Variants in LRRC37A2 observed in about 807,000 individuals in gnomAD.
LRRC37A2 encodes the protein leucine rich repeat containing 37 member A2.
LRRC37A2 carries 9 observed loss-of-function variants against 68.8 expected under a neutral mutation model. The ratio of observed to expected loss-of-function variants is 0.13; its 90% CI spans 0.08 to 0.23. LRRC37A2 has a LOEUF of 0.23. Among genes scored for constraint, LRRC37A2 ranks in the 10% least tolerant of loss-of-function variants. LRRC37A2 has a pLI of 1.00. For synonymous variants in LRRC37A2, 63 were observed against 367.6 expected, an observed-to-expected ratio of 0.17 and a Z score of 9.48; for missense variants, 168 against 950.4, an observed-to-expected ratio of 0.18 and a Z score of 10.82.
rs551669181 is a variant in LRRC37A2, at chr17:46,540,446, A to AT, written c.2978+201dup. Among the ~76,000 whole-genome samples the AT allele has an allele frequency of 2.0e-3, 294 of 146,632 alleles. 2 individuals are homozygous for AT. Among genetic ancestry groups the AT allele is most frequent in the Admixed American group, 5.5e-3 (81 of 14,684 alleles). Reference sequence around the variant, plus strand: ...ACAGCCAGCAGGGGAAGAGAACAGCATTGAAGAACCCATATAGATTTGGAA... The same window carrying AT: ...ACAGCCAGCAGGGGAAGAGAACAGCATTTGAAGAACCCATATAGATTTGGAA... On this transcript the variant is annotated intron_variant, in intron 7 of 14. Transcript: ENST00000576629.
At chr17:46,914,091 C>T in the LRRC37A2 span, among the ~76,000 whole-genome samples, 1 of 152,026 alleles carries the variant, frequency 6.6e-6, no homozygotes. Context: ...TTTTGGGGAA[C>T]TTTGAAAAGG....
At chr17:46,928,891 T>TA in the LRRC37A2 span, among the ~76,000 whole-genome samples, 1 of 152,138 alleles carries the variant, frequency 6.6e-6, no homozygotes, top group Non-Finnish European at 1.5e-5. Flanking sequence ...CCACATAACT[T>TA]ACCTGGTTTC....
chr17:46,737,908 ATATTATTATTATTATTAT>A, the LRRC37A2 span, among the ~76,000 whole-genome samples: 92,707 of 145,748 alleles, frequency 0.64, 31,687 homozygotes, highest in South Asian at 0.82. Flanking sequence ...TAAAATTAGC[ATATTATTATTATTATTAT>A]TATTATTATT....
At chr17:46,631,078 A>ACACACACACACACACACACACACACACG in the LRRC37A2 span, among the ~76,000 whole-genome samples, 2 of 144,770 alleles carry the variant, frequency 1.4e-5, no homozygotes, top group African/African-American at 5.6e-5. Flanking sequence ...ACACACACAC[A>ACACACACACACACACACACACACACACG]CACACACACA....
chr17:46,923,871 G>A, the LRRC37A2 span: 2 of 398,264 alleles, frequency 5.0e-6, no homozygotes, highest in Non-Finnish European at 8.8e-6. Flanking sequence ...ACGTAGTTGA[G>A]TATTAATGGG....
the LRRC37A2 span, among the ~76,000 whole-genome samples, chr17:46,810,415 G>A: frequency 2.0e-5 from 3 of 152,168 alleles, no homozygotes; most frequent in Non-Finnish European, 2.9e-5. Context: ...TCCTGTAGGG[G>A]TCCTGATGCT....
At chr17:46,765,507 C>A in the LRRC37A2 span, among the ~76,000 whole-genome samples, 1 of 151,660 alleles carries the variant, frequency 6.6e-6, no homozygotes, top group Non-Finnish European at 1.5e-5. Context: ...CTCTCCTCAC[C>A]GTGTGGAGGG....
the LRRC37A2 span, among the ~76,000 whole-genome samples, chr17:46,753,867 A>C: frequency 6.6e-6 from 1 of 152,208 alleles, no homozygotes; most frequent in Non-Finnish European, 1.5e-5. Context: ...GAGAGGCTGA[A>C]CCTAAGTGAA....
chr17:46,525,423 C>G (rs1257561398), intron 6 of LRRC37A2, among the ~76,000 whole-genome samples: 2 of 110,294 alleles, frequency 1.8e-5, no homozygotes, highest in African/African-American at 6.5e-5. Flanking sequence ...CCTGTCTCTA[C>G]TAAAAATACA....
At chr17:47,002,294 T>C in the LRRC37A2 span, among the ~76,000 whole-genome samples, 1 of 152,184 alleles carries the variant, frequency 6.6e-6, no homozygotes, top group Non-Finnish European at 1.5e-5. Context: ...TGCATAATAA[T>C]CACATCATGG....
chr17:46,907,987 G>A, the LRRC37A2 span, among the ~76,000 whole-genome samples: 2 of 152,056 alleles, frequency 1.3e-5, no homozygotes, highest in African/African-American at 2.4e-5. Context: ...GTTCAGTCTC[G>A]GCACTGTGGG....
the LRRC37A2 span, among the ~76,000 whole-genome samples, chr17:46,890,728 C>T: frequency 6.6e-6 from 1 of 152,202 alleles, no homozygotes; most frequent in African/African-American, 2.4e-5. Flanking sequence ...CTTCCAACAG[C>T]CCAAGCTCCA....
At chr17:46,984,627 A>G in the LRRC37A2 span, among the ~76,000 whole-genome samples, 1 of 152,218 alleles carries the variant, frequency 6.6e-6, no homozygotes, top group African/African-American at 2.4e-5. Flanking sequence ...ATGAACCTTT[A>G]GCCCTCTGGC....
At chr17:46,766,457 A>G in the LRRC37A2 span, among the ~76,000 whole-genome samples, 1 of 151,666 alleles carries the variant, frequency 6.6e-6, no homozygotes, top group East Asian at 1.9e-4. Context: ...ACCACTGAAC[A>G]GAGGAGGAAA....
At chr17:46,831,851 T>C in the LRRC37A2 span, among the ~76,000 whole-genome samples, 1 of 152,184 alleles carries the variant, frequency 6.6e-6, no homozygotes, top group East Asian at 1.9e-4. Context: ...GTTCTTTGGG[T>C]CCTGTATGCA....
At chr17:46,771,502 C>CG in the LRRC37A2 span, among the ~76,000 whole-genome samples, 2 of 149,312 alleles carry the variant, frequency 1.3e-5, no homozygotes, top group Non-Finnish European at 3.0e-5. Context: ...GCGGGGGCGG[C>CG]GGGGGCGGGG....
chr17:46,748,244 T>TG, the LRRC37A2 span, among the ~76,000 whole-genome samples: 2 of 152,112 alleles, frequency 1.3e-5, no homozygotes, highest in African/African-American at 2.4e-5. Flanking sequence ...CCCAAGTAGC[T>TG]GGGATTACAG....
At chr17:46,825,817 G>A in the LRRC37A2 span, among the ~76,000 whole-genome samples, 4 of 152,122 alleles carry the variant, frequency 2.6e-5, no homozygotes, top group African/African-American at 7.2e-5. Context: ...TGAGGTCAGG[G>A]GTTTGAAACC....
the LRRC37A2 span, chr17:46,932,597 G>A: frequency 2.4e-6 from 1 of 421,798 alleles, no homozygotes; most frequent in Non-Finnish European, 4.2e-6. Flanking sequence ...ATTGTGCCGA[G>A]TATGTGTGTG....
Sources: gnomAD v4.1 joint callset for allele counts (sites outside exome capture counted in the v4.1 genomes callset) on GRCh38, gnomAD v4.1.1 for gene constraint, MANE v1.5 for transcripts, NCBI Gene and HGNC (gene_info 2026-07-23, HGNC 2026-07-21) for gene names.